The following HYCC1 variants were observed in gnomAD, a reference collection of about 807,000 sequenced individuals.
The protein encoded by HYCC1 is hyccin.
At chr7:22,912,162 T>A in the HYCC1 span, among the ~76,000 whole-genome samples, 4 of 152,326 alleles carry the variant, frequency 2.6e-5, no homozygotes, top group South Asian at 8.3e-4. Flanking sequence ...TCTCTGGAAA[T>A]TCTCCAAAGC....
At chr7:22,937,414 T>A in the HYCC1 span, 1 of 152,194 alleles carries the variant, frequency 6.6e-6, no homozygotes, top group Non-Finnish European at 1.5e-5. Context: ...CAGGAGTGAA[T>A]AATAAATGTC....
At chr7:22,961,319 A>G in the HYCC1 span, 1 of 1,529,336 alleles carries the variant, frequency 6.5e-7, no homozygotes, top group African/African-American at 1.4e-5. Flanking sequence ...ATTCTCCATT[A>G]TAACTATAAA....
chr7:22,915,399 G>T, the HYCC1 span, among the ~76,000 whole-genome samples: 1 of 152,224 alleles, frequency 6.6e-6, no homozygotes, highest in Non-Finnish European at 1.5e-5. Context: ...TCAAGTGCTG[G>T]AAATCTGGCC....
At chr7:22,942,245 T>A in the HYCC1 span, 2 of 152,328 alleles carry the variant, frequency 1.3e-5, no homozygotes, top group Admixed American at 1.3e-4. Context: ...TAATATTTGC[T>A]GAGCAGTTGC....
At chr7:22,953,917 TA>T in the HYCC1 span, among the ~76,000 whole-genome samples, 1 of 151,786 alleles carries the variant, frequency 6.6e-6, no homozygotes, top group Non-Finnish European at 1.5e-5. Flanking sequence ...TTTTATTTTC[TA>T]AATTTCCTTA....
At chr7:22,914,370 T>C in the HYCC1 span, among the ~76,000 whole-genome samples, 1 of 152,188 alleles carries the variant, frequency 6.6e-6, no homozygotes, top group Admixed American at 6.5e-5. Context: ...CCTCCTTCAC[T>C]ATGGGCAAAC....
chr7:22,916,066 C>T, the HYCC1 span, among the ~76,000 whole-genome samples: 2 of 152,106 alleles, frequency 1.3e-5, no homozygotes, highest in Non-Finnish European at 2.9e-5. Context: ...CCATTAAAAC[C>T]TAATCACCCT....
the HYCC1 span, chr7:22,983,814 A>C: frequency 1.5e-6 from 1 of 667,280 alleles, no homozygotes; most frequent in South Asian, 1.7e-5. Context: ...GGAATGGTAC[A>C]CTAGAGTTCA....
the HYCC1 span, among the ~76,000 whole-genome samples, chr7:22,958,598 T>C: frequency 6.6e-6 from 1 of 152,268 alleles, no homozygotes; most frequent in East Asian, 1.9e-4. Flanking sequence ...AAGAATCTGC[T>C]AGAAACAATA....
At chr7:22,961,249 G>T in the HYCC1 span, 1 of 1,605,652 alleles carries the variant, frequency 6.2e-7, no homozygotes, top group Non-Finnish European at 8.5e-7. Context: ...AATGGCTCTG[G>T]ATATAATTCT....
chr7:22,914,104 C>T, the HYCC1 span, among the ~76,000 whole-genome samples: 21 of 152,198 alleles, frequency 1.4e-4, no homozygotes, highest in African/African-American at 3.6e-4. Flanking sequence ...CCCAAAACTC[C>T]GTAGCTGGTC....
chr7:22,951,766 T>C, the HYCC1 span, among the ~76,000 whole-genome samples: 1 of 151,918 alleles, frequency 6.6e-6, no homozygotes, highest in South Asian at 2.1e-4. Flanking sequence ...TGTGATATCA[T>C]GTAGCCATTA....
At chr7:22,959,754 T>C in the HYCC1 span, among the ~76,000 whole-genome samples, 4 of 151,934 alleles carry the variant, frequency 2.6e-5, no homozygotes, top group African/African-American at 7.3e-5. Context: ...CACACACACA[T>C]ACACAGAATC....
At chr7:22,902,790 T>C in the HYCC1 span, among the ~76,000 whole-genome samples, 1 of 152,048 alleles carries the variant, frequency 6.6e-6, no homozygotes, top group Non-Finnish European at 1.5e-5. Context: ...TAGACTAATA[T>C]AAAATCTAAA....
the HYCC1 span, among the ~76,000 whole-genome samples, chr7:23,001,388 T>C: frequency 6.6e-6 from 1 of 152,188 alleles, no homozygotes; most frequent in African/African-American, 2.4e-5. Context: ...CTAATCACCA[T>C]GCTATCAGCA....
chr7:22,966,590 GATATA>G, the HYCC1 span, among the ~76,000 whole-genome samples: 2 of 152,134 alleles, frequency 1.3e-5, no homozygotes, highest in Non-Finnish European at 1.5e-5. Flanking sequence ...TTCTATGCTT[GATATA>G]ATATGAGCTT....
At chr7:22,918,147 C>A in the HYCC1 span, among the ~76,000 whole-genome samples, 1 of 152,166 alleles carries the variant, frequency 6.6e-6, no homozygotes, top group African/African-American at 2.4e-5. Flanking sequence ...CCAAAACTCG[C>A]CAACCAAGCA....
At chr7:22,988,095 T>C in the HYCC1 span, among the ~76,000 whole-genome samples, 1 of 151,776 alleles carries the variant, frequency 6.6e-6, no homozygotes, top group Non-Finnish European at 1.5e-5. Context: ...ATAACCTTCT[T>C]CTCTTTGTCA....
the HYCC1 span, among the ~76,000 whole-genome samples, chr7:22,953,984 C>T: frequency 6.6e-5 from 10 of 151,516 alleles, no homozygotes; most frequent in African/African-American, 1.9e-4. Context: ...TTTTAATTGC[C>T]GATGTAAAAA....
Sources: gnomAD v4.1 joint callset for allele counts (sites outside exome capture counted in the v4.1 genomes callset) on GRCh38, gnomAD v4.1.1 for gene constraint, MANE v1.5 for transcripts, NCBI Gene and HGNC (gene_info 2026-07-23, HGNC 2026-07-21) for gene names.